The following LINGO2 variants were observed in gnomAD, a reference collection of about 807,000 sequenced individuals.
The protein encoded by LINGO2 is leucine-rich repeat and immunoglobulin-like domain-containing nogo receptor-interacting protein 2.
In LINGO2, 14 loss-of-function variants were observed where a neutral mutation model predicts 30.6. That is an observed-to-expected ratio of 0.46 (90% CI 0.30 to 0.72). The LOEUF (loss-of-function observed/expected upper bound fraction) is 0.72, where lower values mean the gene tolerates loss of function less well. Ranked by LOEUF, LINGO2 falls within the 30% of genes least tolerant of loss-of-function variation. The pLI, the probability that LINGO2 is intolerant of heterozygous loss-of-function variation, is 0.07. For missense variants in LINGO2, 729 were observed against 751.7 expected (o/e 0.97, Z 0.35); for synonymous variants, 317 against 288.5 (o/e 1.10, Z -1.00).
chr9:28,798,103 A>G, the LINGO2 span, among the ~76,000 whole-genome samples: 79 of 152,292 alleles, frequency 5.2e-4, no homozygotes, highest in African/African-American at 1.7e-3. Flanking sequence ...TAGTGGGTTC[A>G]GTAAAAGAAA....
At chr9:28,546,598 C>T (rs905864076) in intron 1 of LINGO2, among the ~76,000 whole-genome samples, 5 of 152,054 alleles carry the variant, frequency 3.3e-5, no homozygotes, top group Admixed American at 6.6e-5. Context: ...CCAGCTCCTA[C>T]ACAGAAAGGT....
Position 28,120,954 on chromosome 9 carries a change from C to A in LINGO2, c.-86-108549G>T, listed in dbSNP as rs555431492. Among the ~76,000 whole-genome samples, 339 of 152,226 alleles carry A rather than the reference C, an allele frequency of 2.2e-3. 5 individuals carry two copies. The highest frequency in any genetic ancestry group is 8.0e-3 in the African/African-American group (331 of 41,568). ...AAAACAACAAAACAAAAAGACAAAA[C>A]AAACTCTTATCATACACAAAAACAT... On this transcript the variant is annotated intron_variant, in intron 4 of 5. Coordinates refer to ENST00000379992, the Ensembl canonical transcript of LINGO2.
At chr9:28,368,689 C>A (rs562571724) in intron 3 of LINGO2, among the ~76,000 whole-genome samples, 1 of 151,712 alleles carries the variant, frequency 6.6e-6, no homozygotes, top group Non-Finnish European at 1.5e-5. Flanking sequence ...CTCCCCCTCC[C>A]GAGTTCACAC....
chr9:28,826,162 C>A, the LINGO2 span, among the ~76,000 whole-genome samples: 8 of 152,086 alleles, frequency 5.3e-5, no homozygotes, highest in African/African-American at 1.7e-4. Context: ...AGACTGTGAA[C>A]GACATTCATG....
intron 4 of LINGO2, among the ~76,000 whole-genome samples, chr9:28,233,149 G>T (rs912687028): frequency 6.7e-6 from 1 of 149,642 alleles, no homozygotes; most frequent in Non-Finnish European, 1.5e-5. Flanking sequence ...CTGTGTGTGT[G>T]TGTGTGCGTA....
the LINGO2 span, among the ~76,000 whole-genome samples, chr9:29,018,520 T>C: frequency 6.6e-6 from 1 of 152,110 alleles, no homozygotes; most frequent in African/African-American, 2.4e-5. Flanking sequence ...TTTGCATGCC[T>C]TATATACATT....
the LINGO2 span, among the ~76,000 whole-genome samples, chr9:28,751,752 G>A: frequency 6.6e-6 from 1 of 151,700 alleles, no homozygotes; most frequent in Non-Finnish European, 1.5e-5. Context: ...AACAAGTTAT[G>A]GATTCCCTAA....
chr9:29,111,469 G>C, the LINGO2 span, among the ~76,000 whole-genome samples: 1 of 151,812 alleles, frequency 6.6e-6, no homozygotes, highest in African/African-American at 2.4e-5. Flanking sequence ...AGTTAAGCTA[G>C]TTTGAAATAT....
the LINGO2 span, among the ~76,000 whole-genome samples, chr9:29,118,663 C>T: frequency 6.6e-6 from 1 of 152,158 alleles, no homozygotes; most frequent in African/African-American, 2.4e-5. Flanking sequence ...CCAACCCGGA[C>T]TCAGCTCCAA....
chr9:28,941,452 T>C, the LINGO2 span, among the ~76,000 whole-genome samples: 1 of 152,152 alleles, frequency 6.6e-6, no homozygotes, highest in Non-Finnish European at 1.5e-5. Flanking sequence ...TACATGCTAA[T>C]GATACTGTCC....
At chr9:29,167,863 A>T in the LINGO2 span, among the ~76,000 whole-genome samples, 1 of 152,148 alleles carries the variant, frequency 6.6e-6, no homozygotes, top group Non-Finnish European at 1.5e-5. Flanking sequence ...CCTTTGCATG[A>T]GAAATGGCTT....
At chr9:29,067,238 A>T in the LINGO2 span, among the ~76,000 whole-genome samples, 2 of 151,840 alleles carry the variant, frequency 1.3e-5, no homozygotes, top group African/African-American at 4.8e-5. Flanking sequence ...CAGTAAAGAA[A>T]TATTATAAAC....
chr9:28,247,925 T>G (rs1016444366), intron 4 of LINGO2, among the ~76,000 whole-genome samples: 1 of 152,146 alleles, frequency 6.6e-6, no homozygotes, highest in African/African-American at 2.4e-5. Flanking sequence ...TCACCCCAGT[T>G]AAAATGGCTT....
At chr9:28,456,011 C>T (rs1392463261) in intron 2 of LINGO2, among the ~76,000 whole-genome samples, 1 of 152,118 alleles carries the variant, frequency 6.6e-6, no homozygotes, top group Admixed American at 6.6e-5. Flanking sequence ...TCCATATTCC[C>T]ATGTGTTCTC....
At chr9:28,361,187 T>C (rs1047947926) in intron 3 of LINGO2, among the ~76,000 whole-genome samples, 1 of 152,240 alleles carries the variant, frequency 6.6e-6, no homozygotes, top group Non-Finnish European at 1.5e-5. Context: ...AGTTCTTGTA[T>C]TGAGGTAATG....
intron 4 of LINGO2, among the ~76,000 whole-genome samples, chr9:28,163,506 A>C (rs1291650927): frequency 6.6e-6 from 1 of 152,208 alleles, no homozygotes; most frequent in Non-Finnish European, 1.5e-5. Context: ...ATACAAAAAT[A>C]ATCTATAGAA....
chr9:29,165,549 C>T, the LINGO2 span, among the ~76,000 whole-genome samples: 1 of 151,820 alleles, frequency 6.6e-6, no homozygotes, highest in Non-Finnish European at 1.5e-5. Context: ...CTAGGATAAG[C>T]TATAATTGAT....
At chr9:28,634,775 C>T (rs138215525) in intron 1 of LINGO2, among the ~76,000 whole-genome samples, 2 of 152,036 alleles carry the variant, frequency 1.3e-5, no homozygotes, top group African/African-American at 2.4e-5. Flanking sequence ...CATGAGCCAC[C>T]GCACCCGGCC....
the LINGO2 span, among the ~76,000 whole-genome samples, chr9:29,056,661 C>A: frequency 6.6e-6 from 1 of 152,026 alleles, no homozygotes; most frequent in Non-Finnish European, 1.5e-5. Context: ...GAAGTTCTGC[C>A]GACGACAATG....
Sources: allele counts gnomAD v4.1 joint callset (sites outside exome capture counted in the v4.1 genomes callset), GRCh38; gene constraint gnomAD v4.1.1; transcripts MANE v1.5; gene names NCBI Gene and HGNC (gene_info 2026-07-23, HGNC 2026-07-21).